The following UNC5D variants were observed in gnomAD, a reference collection of about 807,000 sequenced individuals.
The protein encoded by UNC5D is unc-5 netrin receptor D.
Under a neutral mutation model 105.4 loss-of-function variants are expected in UNC5D, and 39 were observed. That is an observed-to-expected ratio of 0.37 (90% CI 0.29 to 0.48). The LOEUF is 0.48. Among genes scored for constraint, UNC5D ranks in the 20% least tolerant of loss-of-function variants. The pLI is 0.98. For synonymous variants in UNC5D, 452 were observed against 450.4 expected (o/e 1.00, Z -0.04); for missense variants, 991 against 1,202.4 (o/e 0.82, Z 2.60).
intron 15 of UNC5D, 73 bp downstream of exon 15, chr8:35,767,139 A>T (rs915212855): frequency 1.3e-6 from 2 of 1,485,110 alleles, no homozygotes; most frequent in Non-Finnish European, 1.8e-6. Context: ...TATACCTACC[A>T]GCCGTGCTAT....
intron 1 of UNC5D, among the ~76,000 whole-genome samples, chr8:35,337,552 C>T (rs1456680437): frequency 2.0e-5 from 3 of 152,104 alleles, no homozygotes; most frequent in Non-Finnish European, 2.9e-5. Context: ...CTTTTCCTAT[C>T]GAGTTAAGGG....
chr8:35,268,696 TTA>T (rs1170258773), intron 1 of UNC5D, among the ~76,000 whole-genome samples: 2 of 152,156 alleles, frequency 1.3e-5, no homozygotes, highest in African/African-American at 4.8e-5. Flanking sequence ...TATTTAGAAC[TTA>T]TTAGACTCTG....
intron 1 of UNC5D, among the ~76,000 whole-genome samples, chr8:35,294,999 G>T (rs974909987): frequency 3.3e-5 from 5 of 152,116 alleles, no homozygotes; most frequent in African/African-American, 4.8e-5. Flanking sequence ...GAGATGAACT[G>T]CTCACACAAA....
intron 1 of UNC5D, among the ~76,000 whole-genome samples, chr8:35,401,725 G>C (rs1259530819): frequency 6.6e-6 from 1 of 152,110 alleles, no homozygotes; most frequent in Non-Finnish European, 1.5e-5. Context: ...CTAAATCCCT[G>C]TGCACCAGGT....
chr8:35,290,249 C>T (rs868015805), intron 1 of UNC5D, among the ~76,000 whole-genome samples: 11 of 152,198 alleles, frequency 7.2e-5, no homozygotes, highest in Middle Eastern at 3.4e-3. Context: ...GCAACCTAAG[C>T]ATCCATCAGT....
chr8:35,469,761 C>T (rs767088073), intron 1 of UNC5D, among the ~76,000 whole-genome samples: 1 of 152,130 alleles, frequency 6.6e-6, no homozygotes, highest in Non-Finnish European at 1.5e-5. Flanking sequence ...AGGTTTTCAG[C>T]TCAAAATCAG....
intron 1 of UNC5D, among the ~76,000 whole-genome samples, chr8:35,334,729 G>A (rs1810890831): frequency 6.6e-6 from 1 of 152,068 alleles, no homozygotes; most frequent in African/African-American, 2.4e-5. Flanking sequence ...GGCAAGGATG[G>A]TCTCGAACTC....
At chr8:35,561,364 G>A (rs1172850149) in intron 2 of UNC5D, among the ~76,000 whole-genome samples, 1 of 152,132 alleles carries the variant, frequency 6.6e-6, no homozygotes, top group East Asian at 1.9e-4. Context: ...TTGGCCACAT[G>A]TTCCCCTACC....
chr8:35,345,160 G>A (rs1811717424), intron 1 of UNC5D, among the ~76,000 whole-genome samples: 1 of 152,010 alleles, frequency 6.6e-6, no homozygotes, highest in Admixed American at 6.6e-5. Flanking sequence ...TGTGTGAGCT[G>A]AAAAGAACGC....
intron 11 of UNC5D, among the ~76,000 whole-genome samples, chr8:35,744,572 A>G (rs1046791978): frequency 2.0e-5 from 3 of 152,162 alleles, no homozygotes; most frequent in Admixed American, 2.0e-4. Context: ...TTCTTATAGT[A>G]TGACTCAATG....
chr8:35,715,805 G>A (rs1828221785), intron 8 of UNC5D, among the ~76,000 whole-genome samples: 2 of 151,778 alleles, frequency 1.3e-5, no homozygotes, highest in African/African-American at 2.4e-5. Flanking sequence ...AAAAAAAAAA[G>A]AAAAGAAAAT....
chr8:35,776,007 A>T (rs1270315600), intron 16 of UNC5D, among the ~76,000 whole-genome samples: 1 of 152,352 alleles, frequency 6.6e-6, no homozygotes, highest in East Asian at 1.9e-4. Flanking sequence ...CTGACAAAAG[A>T]TGAGATGTCT....
intron 10 of UNC5D, 54 bp downstream of exon 10, chr8:35,726,583 TAC>T (rs1441960499): frequency 2.5e-6 from 4 of 1,577,298 alleles, no homozygotes; most frequent in East Asian, 4.5e-5. Context: ...GTTTCATTTT[TAC>T]ACAGTTACTT....
At chr8:35,317,857 T>A (rs543805121) in intron 1 of UNC5D, among the ~76,000 whole-genome samples, 63 of 152,296 alleles carry the variant, frequency 4.1e-4, no homozygotes, top group African/African-American at 1.5e-3. Context: ...CAAGATAACT[T>A]AGTTGCCTTC....
chr8:35,344,203 C>T (rs1811646886), intron 1 of UNC5D, among the ~76,000 whole-genome samples: 2 of 152,164 alleles, frequency 1.3e-5, no homozygotes, highest in Non-Finnish European at 2.9e-5. Flanking sequence ...GGAATGTGGG[C>T]CCACCTGCTC....
intron 1 of UNC5D, among the ~76,000 whole-genome samples, chr8:35,323,410 T>A (rs1047692972): frequency 7.2e-5 from 11 of 152,116 alleles, no homozygotes; most frequent in Non-Finnish European, 1.2e-4. Context: ...TCTAAGGAAA[T>A]GCAACGTACC....
chr8:35,564,485 G>A (rs1178484002), intron 2 of UNC5D, among the ~76,000 whole-genome samples: 1 of 152,114 alleles, frequency 6.6e-6, no homozygotes, highest in African/African-American at 2.4e-5. Flanking sequence ...CGTTTGCCCA[G>A]AGAGGAAAAC....
intron 1 of UNC5D, among the ~76,000 whole-genome samples, chr8:35,345,924 A>T (rs549483994): frequency 2.0e-5 from 3 of 152,150 alleles, no homozygotes; most frequent in Admixed American, 2.0e-4. Context: ...ACACTTTATT[A>T]TGGTGGCCTT....
chr8:35,562,342 A>G (rs1312326232), intron 2 of UNC5D, among the ~76,000 whole-genome samples: 2 of 152,162 alleles, frequency 1.3e-5, no homozygotes, highest in South Asian at 2.1e-4. Flanking sequence ...AGGAGGATAT[A>G]TATGCCTAGT....
Sources: gnomAD v4.1 joint callset for allele counts (sites outside exome capture counted in the v4.1 genomes callset) on GRCh38, gnomAD v4.1.1 for gene constraint, MANE v1.5 for transcripts, NCBI Gene and HGNC (gene_info 2026-07-23, HGNC 2026-07-21) for gene names.